The following CDC5L variants were observed in gnomAD, a reference collection of about 807,000 sequenced individuals.
The protein encoded by CDC5L is cell division cycle 5 like.
A neutral mutation model predicts 104.1 loss-of-function variants in CDC5L; 18 were observed. The observed-to-expected ratio is 0.17, with a 90% confidence interval of 0.12 to 0.26. CDC5L has a LOEUF of 0.26. Among genes scored for constraint, CDC5L ranks in the 10% least tolerant of loss-of-function variants. The pLI, the probability that CDC5L is intolerant of heterozygous loss-of-function variation, is 1.00. For synonymous variants in CDC5L, 331 were observed against 322.7 expected, an observed-to-expected ratio of 1.03 and a Z score of -0.28; for missense variants, 673 against 956.9, an observed-to-expected ratio of 0.70 and a Z score of 3.91.
intron 8 of CDC5L, among the ~76,000 whole-genome samples, chr6:44,418,729 T>C (rs1230686912): frequency 6.6e-6 from 1 of 152,206 alleles, no homozygotes; most frequent in African/African-American, 2.4e-5. Flanking sequence ...TTGATTTGCA[T>C]TTCTCTGATG....
intron 13 of CDC5L, among the ~76,000 whole-genome samples, chr6:44,427,446 A>G (rs1301556805): frequency 6.6e-6 from 1 of 152,188 alleles, no homozygotes; most frequent in African/African-American, 2.4e-5. Context: ...TGGATTTGGA[A>G]TGAGCTGCTG....
intron 4 of CDC5L, among the ~76,000 whole-genome samples, chr6:44,394,896 ACAC>A: frequency 6.1e-4 from 1 of 1,646 alleles, no homozygotes; most frequent in Non-Finnish European, 2.7e-3. Context: ...TGGTATACAC[ACAC>A]ACACACACAC....
intron 9 of CDC5L, among the ~76,000 whole-genome samples, chr6:44,420,405 C>T (rs928589562): frequency 4.0e-5 from 6 of 150,836 alleles, no homozygotes; most frequent in Non-Finnish European, 8.8e-5. Context: ...CTTGCCCAGG[C>T]TGGAGTGCAG....
At chr6:44,439,018 C>T (rs569215288) in intron 14 of CDC5L, among the ~76,000 whole-genome samples, 3 of 152,274 alleles carry the variant, frequency 2.0e-5, no homozygotes, top group African/African-American at 7.2e-5. Context: ...TCATTCCCCC[C>T]AACCTGCTCA....
intron 13 of CDC5L, among the ~76,000 whole-genome samples, chr6:44,428,962 A>G (rs1454480310): frequency 2.0e-5 from 3 of 150,870 alleles, no homozygotes; most frequent in African/African-American, 7.3e-5. Context: ...TCTGCCTACT[A>G]ACGATGTGGT....
chr6:44,412,449 A>G (rs945608720), intron 8 of CDC5L, among the ~76,000 whole-genome samples: 2 of 151,684 alleles, frequency 1.3e-5, no homozygotes, highest in African/African-American at 4.8e-5. Context: ...CTGGTCTCGA[A>G]TTCCTGGGTT....
chr6:44,391,007 T>C (rs866380246), intron 2 of CDC5L, among the ~76,000 whole-genome samples: 1 of 115,450 alleles, frequency 8.7e-6, no homozygotes, highest in East Asian at 2.1e-4. Flanking sequence ...TTTAATATGT[T>C]ATATATTATA....
intron 1 of CDC5L, among the ~76,000 whole-genome samples, chr6:44,389,918 A>G (rs1790514012): frequency 6.6e-6 from 1 of 152,040 alleles, no homozygotes; most frequent in Non-Finnish European, 1.5e-5. Context: ...TGTGTTTTTT[A>G]GTTATCCTTT....
chr6:44,426,789 A>G (rs1792442574), intron 13 of CDC5L, 65 bp downstream of exon 13: 1 of 1,481,720 alleles, frequency 6.7e-7, no homozygotes, highest in Non-Finnish European at 9.2e-7. Flanking sequence ...TGTATCATGG[A>G]CAAATAATGA....
At chr6:44,394,478 T>G (rs1212937715) in intron 4 of CDC5L, among the ~76,000 whole-genome samples, 1 of 152,172 alleles carries the variant, frequency 6.6e-6, no homozygotes, top group Non-Finnish European at 1.5e-5. Flanking sequence ...GACTTAACAG[T>G]GATTCTGGGA....
chr6:44,412,266 A>G lies in CDC5L; in HGVS notation c.1092+3634A>G, dbSNP rs138482471. On this transcript the variant is annotated intron_variant, in intron 8 of 15. Transcript: ENST00000371477. ...CTTTATCCATGCCTCAGCCTTTCAG[A>G]TGTCTCCACTTCTGTGACAGATAGG... Among the ~76,000 whole-genome samples, 34 of 150,980 alleles carry G rather than the reference A, an allele frequency of 2.3e-4. No individual in the cohort carries two copies. In the East Asian group the frequency reaches 6.4e-3, roughly 29 times the overall value.
chr6:44,411,432 T>C (rs186800624), intron 8 of CDC5L, among the ~76,000 whole-genome samples: 4 of 143,406 alleles, frequency 2.8e-5, no homozygotes, highest in East Asian at 2.1e-4. Flanking sequence ...GGGAACCTAG[T>C]TGGGGAAAAA....
At chr6:44,397,194 T>C (rs1240898076) in intron 5 of CDC5L, among the ~76,000 whole-genome samples, 1 of 152,234 alleles carries the variant, frequency 6.6e-6, no homozygotes, top group Non-Finnish European at 1.5e-5. Flanking sequence ...ATCAGTCAAC[T>C]CATTAACATG....
chr6:44,431,057 G>A (rs1792660418), intron 14 of CDC5L, among the ~76,000 whole-genome samples: 1 of 152,190 alleles, frequency 6.6e-6, no homozygotes, highest in African/African-American at 2.4e-5. Flanking sequence ...AAAGCCAGAA[G>A]TAGTAAAATC....
chr6:44,393,164 GTTTT>G (rs773786751), intron 3 of CDC5L, among the ~76,000 whole-genome samples: 2 of 107,218 alleles, frequency 1.9e-5, no homozygotes, highest in Admixed American at 1.0e-4. Flanking sequence ...TTTACTAATA[GTTTT>G]TTTTTTTTTT....
At chr6:44,423,128 C>T (rs1475531407) in intron 10 of CDC5L, among the ~76,000 whole-genome samples, 4 of 152,030 alleles carry the variant, frequency 2.6e-5, no homozygotes, top group Admixed American at 6.6e-5. Context: ...GCGTTTATTA[C>T]TTTGCTATTG....
rs549690469 is a variant in CDC5L at position 44,450,101 on chromosome 6, T to C, written c.*3390T>C. ...CTGGTCTTGAATTCCTGACCTCAGG[T>C]GATCCACCTACCTCGGCCTCCCAAA... On this transcript the variant is annotated 3_prime_UTR_variant, in exon 16 of 16. Transcript: ENST00000371477. The C allele has an allele frequency of 7.9e-5, 12 of 152,330 alleles. No homozygotes were observed. In the East Asian group the frequency reaches 2.3e-3, roughly 29 times the overall value. 9.4% of individuals were successfully genotyped at this position (152,330 alleles called of 1,614,324 possible).
At chr6:44,418,964 TG>T (rs1268416159) in intron 8 of CDC5L, among the ~76,000 whole-genome samples, 2 of 151,900 alleles carry the variant, frequency 1.3e-5, no homozygotes, top group African/African-American at 4.8e-5. Context: ...TTCACTCTGA[TG>T]GTAGTTTCTT....
intron 14 of CDC5L, among the ~76,000 whole-genome samples, chr6:44,441,879 G>A (rs1793205529): frequency 6.6e-6 from 1 of 151,060 alleles, no homozygotes; most frequent in African/African-American, 2.4e-5. Flanking sequence ...CCCTTATCCA[G>A]GCCGGGAGTG....
Sources: gnomAD v4.1 joint callset for allele counts (sites outside exome capture counted in the v4.1 genomes callset) on GRCh38, gnomAD v4.1.1 for gene constraint, MANE v1.5 for transcripts, NCBI Gene and HGNC (gene_info 2026-07-23, HGNC 2026-07-21) for gene names.